The following TMEM132D variants were observed in gnomAD, a reference collection of about 807,000 sequenced individuals.
TMEM132D encodes mature OL transmembrane protein.
In TMEM132D, 21 loss-of-function variants were observed where a neutral mutation model predicts 62.3. The ratio of observed to expected loss-of-function variants is 0.34; its 90% CI spans 0.24 to 0.49. The LOEUF (loss-of-function observed/expected upper bound fraction) is 0.49. Ranked by LOEUF, TMEM132D falls within the 20% of genes least tolerant of loss-of-function variation. The pLI is 0.99. For missense variants in TMEM132D, 1,346 were observed against 1,402.8 expected (o/e 0.96, Z 0.65); for synonymous variants, 621 against 575.6 (o/e 1.08, Z -1.13).
At chr12:129,471,926 T>G (rs761150227) in intron 3 of TMEM132D, among the ~76,000 whole-genome samples, 1 of 152,216 alleles carries the variant, frequency 6.6e-6, no homozygotes, top group African/African-American at 2.4e-5. Flanking sequence ...TCTGTGAATC[T>G]TAGAGAGGTG....
chr12:129,385,692 G>A (rs1043464439), intron 3 of TMEM132D, among the ~76,000 whole-genome samples: 2 of 152,182 alleles, frequency 1.3e-5, no homozygotes, highest in Non-Finnish European at 2.9e-5. Context: ...TGCTAAAAAT[G>A]TCTCTCCACT....
chr12:129,392,805 A>G (rs1366402092), intron 3 of TMEM132D, among the ~76,000 whole-genome samples: 2 of 152,240 alleles, frequency 1.3e-5, no homozygotes, highest in African/African-American at 4.8e-5. Context: ...ACTACACCCA[A>G]TATGGCAAAC....
rs115066050 is a variant in TMEM132D, at chr12:129,745,517, G to A, written c.80-44819C>T. 8.7e-3 allele frequency among the ~76,000 whole-genome samples: 1,329 copies of A among 152,186 alleles called. 20 individuals carry two copies. The highest frequency in any genetic ancestry group is 0.03 in the African/African-American group (1,261 of 41,512). ...CCCCCAAATGTCCTCTAACCTGTGA[G>A]TGCACGGATTCAACCCCCCTCTATC... On this transcript the variant is annotated intron_variant, in intron 1 of 8. Transcript: ENST00000422113.
intron 2 of TMEM132D, 117 bp from the exon 3 acceptor site, chr12:129,531,322 G>T: frequency 7.9e-7 from 1 of 1,259,824 alleles, no homozygotes; most frequent in Non-Finnish European, 1.1e-6. Flanking sequence ...GTAAGCTCAT[G>T]TATACTAGGA....
rs76962976 is a variant in TMEM132D, at chr12:129,552,931, T to G, written c.969-21726A>C. On this transcript the variant is annotated intron_variant, in intron 2 of 8. Coordinates refer to ENST00000422113, the MANE Select transcript of TMEM132D (RefSeq NM_133448.3). ...TTCTCCAAGTATAAAGTGTCACCTT[T>G]TGATCCTGGCATTTAAGGTCATCCA... is the stretch of plus-strand genomic sequence containing the variant. Among the ~76,000 whole-genome samples the G allele has an allele frequency of 3.4e-3, 515 of 152,310 alleles. 23 individuals are homozygous for G. In the East Asian group the frequency reaches 0.089, roughly 26 times the overall value.
At chr12:129,636,262 G>C (rs1161341659) in intron 2 of TMEM132D, among the ~76,000 whole-genome samples, 1 of 152,204 alleles carries the variant, frequency 6.6e-6, no homozygotes, top group Non-Finnish European at 1.5e-5. Context: ...ACAAGAGACA[G>C]ATTTGCAGGG....
At chr12:129,801,422 G>A (rs1329537873) in intron 1 of TMEM132D, among the ~76,000 whole-genome samples, 2 of 151,584 alleles carry the variant, frequency 1.3e-5, no homozygotes, top group Non-Finnish European at 2.9e-5. Context: ...CCCCCAGCAG[G>A]GGCACACTGA....
At chr12:129,374,241 A>G (rs1870711190) in intron 3 of TMEM132D, among the ~76,000 whole-genome samples, 1 of 146,876 alleles carries the variant, frequency 6.8e-6, no homozygotes, top group African/African-American at 2.6e-5. Flanking sequence ...GCTTGAAGGC[A>G]GTGCCTTCTC....
At chr12:129,426,659 T>C (rs548545482) in intron 3 of TMEM132D, among the ~76,000 whole-genome samples, 1 of 152,288 alleles carries the variant, frequency 6.6e-6, no homozygotes, top group Admixed American at 6.5e-5. Flanking sequence ...GAAATAATAA[T>C]ACCAACATTG....
intron 8 of TMEM132D, among the ~76,000 whole-genome samples, chr12:129,076,983 G>T (rs948992288): frequency 1.1e-4 from 17 of 152,328 alleles, no homozygotes; most frequent in African/African-American, 4.1e-4. Flanking sequence ...AAGGAGGTTT[G>T]CTTTGGCCAA....
rs574384918 is a variant in TMEM132D at position 129,166,431 on chromosome 12, G to A, written c.1443+43089C>T. On this transcript the variant is annotated intron_variant, in intron 5 of 8. Coordinates refer to ENST00000422113, the MANE Select transcript of TMEM132D (RefSeq NM_133448.3). The stretch of plus-strand genomic sequence containing the variant: ...TACTGTTTGACATGCATGAATGTGG[G>A]CGGATGTGGCAGGCTTTTTAGTATC... Among the ~76,000 whole-genome samples the A allele has an allele frequency of 2.6e-5, 4 of 152,154 alleles. No individual in the cohort carries two copies. In the South Asian group the frequency reaches 8.3e-4, roughly 32 times the overall value.
chr12:129,616,911 C>G (rs1160866881), intron 2 of TMEM132D, among the ~76,000 whole-genome samples: 3 of 152,172 alleles, frequency 2.0e-5, no homozygotes, highest in Non-Finnish European at 4.4e-5. Flanking sequence ...GCTGAGTAGA[C>G]AAGGAGATGA....
At chr12:129,107,809 C>T (rs1009089742) in intron 5 of TMEM132D, among the ~76,000 whole-genome samples, 9 of 152,174 alleles carry the variant, frequency 5.9e-5, no homozygotes, top group Non-Finnish European at 1.2e-4. Context: ...ACCTCATCCT[C>T]CTGAGTAGCT....
intron 6 of TMEM132D, among the ~76,000 whole-genome samples, chr12:129,082,654 G>A (rs1874490692): frequency 6.6e-6 from 1 of 152,206 alleles, no homozygotes; most frequent in African/African-American, 2.4e-5. Context: ...ACTGCAGCCT[G>A]TAAGAGACCC....
chr12:129,267,603 C>T (rs1880730805), intron 4 of TMEM132D, among the ~76,000 whole-genome samples: 2 of 152,220 alleles, frequency 1.3e-5, no homozygotes, highest in African/African-American at 4.8e-5. Context: ...AATGGTCATA[C>T]TGCCCAAGGT....
In TMEM132D at chr12:129,077,226, CAGGGA is replaced by C. The variant is rs529049390; in HGVS notation, c.2115+1303_2115+1307del. Among the ~76,000 whole-genome samples the C allele has an allele frequency of 3.6e-3, 555 of 152,334 alleles. 1 individual carries two copies. Among genetic ancestry groups the C allele is most frequent in the African/African-American group, 0.013 (524 of 41,574 alleles). On this transcript the variant is annotated intron_variant, in intron 8 of 8. Coordinates refer to ENST00000422113, the MANE Select transcript of TMEM132D (RefSeq NM_133448.3). ...CACAGCCGCAGCTGGTGCATGAAGG[CAGGGA>C]AGGCCTGGTACCTCACCCTGCCGAG...
chr12:129,712,411 A>G (rs1321111110), intron 1 of TMEM132D, among the ~76,000 whole-genome samples: 3 of 152,226 alleles, frequency 2.0e-5, no homozygotes, highest in Non-Finnish European at 4.4e-5. Context: ...GGCGTGAGCC[A>G]CTGCAACCGA....
intron 1 of TMEM132D, among the ~76,000 whole-genome samples, chr12:129,818,653 T>C (rs1451513949): frequency 6.6e-6 from 1 of 151,844 alleles, no homozygotes; most frequent in Non-Finnish European, 1.5e-5. Context: ...ATACTTTCTT[T>C]CAAGACAGCA....
At chr12:129,446,152 G>A (rs891185983) in intron 3 of TMEM132D, among the ~76,000 whole-genome samples, 1 of 152,142 alleles carries the variant, frequency 6.6e-6, no homozygotes, top group East Asian at 1.9e-4. Context: ...GGTGGATGTA[G>A]GGGGATTTGA....
Sources: allele counts gnomAD v4.1 joint callset (sites outside exome capture counted in the v4.1 genomes callset), GRCh38; gene constraint gnomAD v4.1.1; transcripts MANE v1.5; gene names NCBI Gene and HGNC (gene_info 2026-07-23, HGNC 2026-07-21).